UBTF: variants seen among roughly 807,000 people sequenced by gnomAD.
UBTF encodes nucleolar transcription factor 1.
A neutral mutation model predicts 112.3 loss-of-function variants in UBTF; 8 were observed. That is an observed-to-expected ratio of 0.07 (90% CI 0.04 to 0.13). UBTF has a LOEUF of 0.13. Ranked by LOEUF, UBTF falls within the 10% of genes least tolerant of loss-of-function variation. UBTF has a pLI of 1.00. For synonymous variants in UBTF, 417 were observed against 373.1 expected (o/e 1.12, Z -1.36); for missense variants, 457 against 982.1 (o/e 0.47, Z 7.15).
upstream of UBTF, among the ~76,000 whole-genome samples, chr17:44,220,234 G>A (rs538040394): frequency 4.6e-5 from 7 of 152,054 alleles, no homozygotes; most frequent in African/African-American, 1.4e-4. Flanking sequence ...CCGAGGTGCG[G>A]CCGCGGAGAG....
Position 44,211,430 on chromosome 17 carries a change from T to G in UBTF, c.1048-99A>C, listed in dbSNP as rs1212759532. 8 of 1,580,606 alleles carry G rather than the reference T, an allele frequency of 5.1e-6. No homozygotes were observed. Among genetic ancestry groups the G allele is most frequent in the East Asian group, 2.2e-5 (1 of 44,658 alleles). ...TGACCTTCAGCGGGCCTCCAGAGCC[T>G]GGGTGTGGGCTGGACTCCCTGCCTG... On this transcript the variant is annotated intron_variant, in intron 10 of 20. Coordinates refer to ENST00000436088, the MANE Select transcript of UBTF (RefSeq NM_014233.4). The surrounding 1 kb of genome is among the most constrained non-coding windows in gnomAD (Gnocchi z 4.9).
In UBTF at chr17:44,215,956, G is replaced by C; in HGVS notation, c.268C>G (p.Leu90Val). ...RKFRTLTELI[L>V]DAQEHVKNPY... is the part of the protein sequence containing the mutation. ...TTTTTAACATGTTCCTGAGCATCGA[G>C]GATCAATTCTGTCAATGTACGGAAC... is the stretch of plus-strand genomic sequence containing the variant. Residue 90 changes from leucine to valine, a missense_variant, in exon 4 of 21, where the codon CTC (leucine) becomes GTC (valine). Physicochemically the swap from Leu to Val is conservative, Grantham distance 32 (BLOSUM62 1). Around this residue, in one of 7 missense-constraint regions of UBTF, gnomAD observed 26 missense variants for 132.9 expected, o/e 0.20. Coordinates refer to ENST00000436088, the MANE Select transcript of UBTF (RefSeq NM_014233.4). 6.2e-7 allele frequency: 1 copy of C among 1,614,028 alleles called. No homozygotes were observed. Among genetic ancestry groups the C allele is most frequent in the Non-Finnish European group, 8.5e-7 (1 of 1,180,000 alleles).
Position 44,207,306 on chromosome 17 carries a change from T to G in UBTF, c.2231A>C (p.Glu744Ala). The change falls in exon 21 of 21, where the codon GAG becomes GCG. Residue 744 changes from glutamate (E) to alanine (A), a missense_variant. Glu to Ala is a moderately radical substitution (Grantham distance 107, BLOSUM62 -1). This residue lies in a region of UBTF where 139 missense variants were observed against 157.5 expected (regional missense o/e 0.88). Transcript: ENST00000436088. ...DEDDDEDEDN[E>A]SEGSSSSSSS... is the part of the protein sequence containing the mutation. ...GGAGCTGGAGCTGCTGCCCTCGGACTCATTATCTTCATCCTCATCGTCATC... is the reference window on the plus strand; with the variant it reads ...GGAGCTGGAGCTGCTGCCCTCGGACGCATTATCTTCATCCTCATCGTCATC... 1 of 1,612,990 alleles carries G rather than the reference T, an allele frequency of 6.2e-7. No individual in the cohort carries two copies. The highest frequency in any genetic ancestry group is 2.2e-5 in the East Asian group (1 of 44,832).
upstream of UBTF, among the ~76,000 whole-genome samples, chr17:44,219,974 TG>T (rs1450011755): frequency 7.0e-6 from 1 of 141,870 alleles, no homozygotes; most frequent in Non-Finnish European, 1.5e-5. Context: ...GGGCGGGAGC[TG>T]GGGGGACCCG....
Position 44,207,352 on chromosome 17 carries a change from C to G in UBTF, c.2185G>C (p.Glu729Gln), listed in dbSNP as rs762052935. ...TCATCCTCGTCGTCGTCTTCGTCCT[C>G]GTCATCCTCTTCATTCTGGGGGGTG... ...EDGDENEEDD[E>Q]DEDDDEDDDE... The change falls in exon 21 of 21, where the codon GAG (glutamate) becomes CAG (glutamine). Residue 729 changes from glutamate to glutamine, a missense_variant. Glu to Gln is a conservative substitution (Grantham distance 29). Transcript: ENST00000436088. The G allele has an allele frequency of 9.9e-6, 16 of 1,612,778 alleles. No individual in the cohort carries two copies. The highest frequency in any genetic ancestry group is 1.4e-5 in the Non-Finnish European group (16 of 1,179,458).
chr17:44,215,043 C>T (rs735490), intron 5 of UBTF, among the ~76,000 whole-genome samples: 8 of 152,314 alleles, frequency 5.3e-5, no homozygotes, highest in African/African-American at 1.9e-4. Context: ...AGTGCCCGAC[C>T]TCTGCAAGGA....
intron 8 of UBTF, 40 bp downstream of exon 8, chr17:44,212,304 G>C (rs1456409350): frequency 1.3e-6 from 2 of 1,552,406 alleles, no homozygotes; most frequent in Non-Finnish European, 1.8e-6. Flanking sequence ...GCAGAGGCTC[G>C]TGAAGAGCCG....
rs2056217370 is a variant in UBTF at position 44,205,922 on chromosome 17, T to C, written c.*1320A>G. 1 of 152,154 alleles carries C rather than the reference T, an allele frequency of 6.6e-6. No individual in the cohort carries two copies. The highest frequency in any genetic ancestry group is 1.5e-5 in the Non-Finnish European group (1 of 68,034). 9.4% of individuals were successfully genotyped at this position (152,154 alleles called of 1,614,324 possible). The stretch of plus-strand genomic sequence containing the variant: ...AGCTGCAGATGCAGCTTTTGCAGAC[T>C]TCTTGCCCAGCTGTGGGGTTGGGGG... On this transcript the variant is annotated 3_prime_UTR_variant, in exon 21 of 21. Coordinates refer to ENST00000436088, the MANE Select transcript of UBTF (RefSeq NM_014233.4).
Position 44,211,720 on chromosome 17 carries a change from C to T in UBTF, c.933G>A (p.Glu311=), listed in dbSNP as rs201190000. The T allele has an allele frequency of 1.9e-5, 31 of 1,608,488 alleles. No homozygotes were observed. Among genetic ancestry groups the T allele is most frequent in the Admixed American group, 1.8e-4 (11 of 60,014 alleles). The change falls in exon 10 of 21, where the codon GAG becomes GAA. Residue 311 remains glutamate (E), a synonymous_variant. Transcript: ENST00000436088. The surrounding 1 kb of genome is among the most constrained non-coding windows in gnomAD (Gnocchi z 4.9). The part of the protein sequence containing the change: ...PPNSYSLYCA[E]LMANMKDVPS... ...GCACGTCCTTCATGTTGGCCATGAG[C>T]TCTGCGCAGTACAGCGAGTAGCTGT...
Position 44,213,232 on chromosome 17 carries a change from G to A in UBTF, c.525C>T (p.Asn175=), listed in dbSNP as rs781449662. ...CACTGCCTTACCTGAATCGGGCCAG[G>A]TTTCGCTCGAACTCCTGTTTCTCTC... is the stretch of plus-strand genomic sequence containing the variant. ...FQREKQEFER[N]LARFREDHPD... The change falls in exon 6 of 21, where the codon AAC becomes AAT. Residue 175 remains asparagine (N), a synonymous_variant. Transcript: ENST00000436088. 12 of 1,613,768 alleles carry A rather than the reference G, an allele frequency of 7.4e-6. No homozygotes were observed. Among genetic ancestry groups the A allele is most frequent in the Non-Finnish European group, 1.0e-5 (12 of 1,179,876 alleles).
At chr17:44,221,006 G>A (rs1319114231), upstream of UBTF, 12 of 150,684 alleles carry the variant, frequency 8.0e-5, no homozygotes, top group African/African-American at 2.9e-4. Context: ...CCGCCTCCCG[G>A]GCCACCCCGG....
intron 13 of UBTF, 70 bp downstream of exon 13, chr17:44,210,722 G>C: frequency 6.5e-7 from 1 of 1,536,010 alleles, no homozygotes; most frequent in Non-Finnish European, 8.8e-7. Context: ...GAGGTGGCAC[G>C]GCCCGCCAAG....
At position 44,210,376 on chromosome 17, in the gene UBTF, T is replaced by C. The variant is rs370582103; in HGVS notation, c.1457A>G (p.Lys486Arg). Residue 486 changes from lysine to arginine, a missense_variant, in exon 14 of 21, where the codon AAA becomes AGA. Physicochemically the swap from Lys to Arg is conservative, Grantham distance 26. Coordinates refer to ENST00000436088, the MANE Select transcript of UBTF (RefSeq NM_014233.4). ...EERGKLPESP[K>R]RAEEIWQQSV... is the part of the protein sequence containing the mutation. ...CTGTTGCCAGATCTCCTCAGCTCTT[T>C]TGGGGGACTCGGGCAGCTTGCCCCG... 3.7e-6 allele frequency: 6 copies of C among 1,614,088 alleles called. No individual in the cohort carries two copies. The African/African-American group carries it at 4.0e-5, about 11-fold the overall frequency.
In UBTF at chr17:44,207,006, T is replaced by TA. The variant is rs2056282601; in HGVS notation, c.*235dup. ...CTGGTCCGGTGCTGGCTTAGTCTGA[T>TA]AGTTGCTGTCCCTGGAGGAGGACCC... On this transcript the variant is annotated 3_prime_UTR_variant, in exon 21 of 21. Coordinates refer to ENST00000436088, the MANE Select transcript of UBTF (RefSeq NM_014233.4). 1 of 584,254 alleles carries TA rather than the reference T, an allele frequency of 1.7e-6. No individual in the cohort carries two copies. The highest frequency in any genetic ancestry group is 3.0e-6 in the Non-Finnish European group (1 of 333,122). 36.2% of individuals were successfully genotyped at this position (584,254 alleles called of 1,614,324 possible). A position where few individuals can be genotyped will look rare whatever the true frequency, so the allele number is the denominator to read the frequency against.
rs1567796743 is a variant in UBTF, at chr17:44,211,316, C to T, written c.1063G>A (p.Glu355Lys). The change falls in exon 11 of 21, where the codon GAG becomes AAG. Residue 355 changes from glutamate to lysine, a missense_variant. Physicochemically the swap from Glu to Lys is moderately conservative, Grantham distance 56. Transcript: ENST00000436088. The surrounding 1 kb of genome is among the most constrained non-coding windows in gnomAD (Gnocchi z 4.9). ...KKCDQKKKDY[E>K]VELLRFLESL... ...TCGAGGAAACGGAGCAGCTCCACCTCGTAATCTTTCTTTTTCTGGGAAAGT... is the reference window on the plus strand; with the variant it reads ...TCGAGGAAACGGAGCAGCTCCACCTTGTAATCTTTCTTTTTCTGGGAAAGT... 3 of 1,614,204 alleles carry T rather than the reference C, an allele frequency of 1.9e-6. No homozygotes were observed. The highest frequency in any genetic ancestry group is 2.5e-6 in the Non-Finnish European group (3 of 1,180,038).
intron 1 of UBTF, chr17:44,218,671 G>T (rs1402569135): frequency 6.4e-6 from 1 of 156,614 alleles, no homozygotes; most frequent in Non-Finnish European, 1.4e-5. Context: ...GAGGGCGGGG[G>T]AAGAGGAAGG....
intron 1 of UBTF, chr17:44,218,520 G>A: frequency 2.5e-6 from 1 of 394,434 alleles, no homozygotes; most frequent in Middle Eastern, 6.4e-4. Flanking sequence ...GCCCTCCCCT[G>A]GCCACGCGAG....
chr17:44,212,304 G>A (rs1456409350), intron 8 of UBTF, 40 bp downstream of exon 8: 8 of 1,552,408 alleles, frequency 5.2e-6, no homozygotes, highest in Middle Eastern at 2.0e-4. Context: ...GCAGAGGCTC[G>A]TGAAGAGCCG....
At chr17:44,216,359 G>T in intron 3 of UBTF, 170 bp downstream of exon 3, 1 of 760,400 alleles carries the variant, frequency 1.3e-6, no homozygotes, top group Non-Finnish European at 2.2e-6. Flanking sequence ...TTAAGCCAGT[G>T]CTGTCAACCG....
Sources: allele counts gnomAD v4.1 joint callset (sites outside exome capture counted in the v4.1 genomes callset), GRCh38; gene constraint gnomAD v4.1.1; regional missense constraint gnomAD v4.1.1; non-coding constraint Gnocchi (gnomAD v3.1); transcripts MANE v1.5; gene names NCBI Gene and HGNC (gene_info 2026-07-23, HGNC 2026-07-21).